IFNGR2: variants seen among roughly 807,000 people sequenced by gnomAD.
IFNGR2 encodes the protein interferon gamma receptor 2, also known as IFN-gamma receptor 2.
Under a neutral mutation model 41.1 loss-of-function variants are expected in IFNGR2, and 15 were observed. That is an observed-to-expected ratio of 0.37 (90% CI 0.24 to 0.56). IFNGR2 has a LOEUF of 0.56. Among genes scored for constraint, IFNGR2 ranks in the 20% least tolerant of loss-of-function variants. The probability of loss-of-function intolerance (pLI) is 0.81; values close to 1 mark genes in which losing one functional copy is unlikely to be tolerated. For missense variants in IFNGR2, 362 were observed against 415.7 expected, an observed-to-expected ratio of 0.87 and a Z score of 1.12; for synonymous variants, 161 against 171.6, an observed-to-expected ratio of 0.94 and a Z score of 0.48.
chr21:33,418,584 C>A lies in IFNGR2; in HGVS notation c.207-2896C>A, dbSNP rs1266080246. 2.6e-5 allele frequency among the ~76,000 whole-genome samples: 4 copies of A among 152,222 alleles called. No homozygotes were observed. The East Asian group carries it at 7.7e-4, about 29-fold the overall frequency. ...AGACTTAAATTTCCACCGTGTTTCT[C>A]TACAATAAAGCATTGCTATGATTAA... On this transcript the variant is annotated intron_variant, in intron 2 of 6. Transcript: ENST00000290219.
chr21:33,413,709 T>A (rs1034965303), intron 1 of IFNGR2, among the ~76,000 whole-genome samples: 1 of 151,970 alleles, frequency 6.6e-6, no homozygotes, highest in Non-Finnish European at 1.5e-5. Context: ...GTGAAGTACC[T>A]GCTTGGGGAA....
chr21:33,412,587 G>A (rs958537264), intron 1 of IFNGR2, among the ~76,000 whole-genome samples: 2 of 152,128 alleles, frequency 1.3e-5, no homozygotes, highest in Non-Finnish European at 2.9e-5. Context: ...ACGGAGTGCC[G>A]CTCTGTCGCC....
chr21:33,433,464 C>CCA (rs2083910462), intron 6 of IFNGR2, among the ~76,000 whole-genome samples: 1 of 152,198 alleles, frequency 6.6e-6, no homozygotes, highest in African/African-American at 2.4e-5. Context: ...ACACATCCTA[C>CCA]CACACACATG....
At position 33,432,111 on chromosome 21, in the gene IFNGR2, T is replaced by C. The variant is rs936250969; in HGVS notation, c.562-66T>C. ...TGTTCACAGTGAATTTGAGGAAACA[T>C]CAGAAAAGATGTAGGCAGCTTGGCC... is the stretch of plus-strand genomic sequence containing the variant. On this transcript the variant is annotated intron_variant, in intron 4 of 6. Coordinates refer to ENST00000290219, the MANE Select transcript of IFNGR2 (RefSeq NM_005534.4). 23 of 1,413,636 alleles carry C rather than the reference T, an allele frequency of 1.6e-5. No individual in the cohort carries two copies. In the Admixed American group the frequency reaches 3.9e-4, roughly 24 times the overall value. The allele number at this position is 1,413,636 out of a possible 1,614,324, so 87.6% of individuals were successfully genotyped here. A position where few individuals can be genotyped will look rare whatever the true frequency, so the allele number is the denominator to read the frequency against.
At chr21:33,407,595 AGTT>A (rs963086002) in intron 1 of IFNGR2, among the ~76,000 whole-genome samples, 8 of 152,100 alleles carry the variant, frequency 5.3e-5, no homozygotes, top group East Asian at 1.9e-4. Flanking sequence ...CTTGATGTCC[AGTT>A]GTTGTTGTTG....
intron 2 of IFNGR2, 138 bp downstream of exon 2, chr21:33,415,158 T>A: frequency 8.8e-7 from 1 of 1,136,668 alleles, no homozygotes; most frequent in Non-Finnish European, 1.3e-6. Context: ...TTGGAGCTTG[T>A]AAAATCTCTG....
In IFNGR2 at chr21:33,403,566, C is replaced by CGCTGCTGCT. The variant is rs753866192; in HGVS notation, c.30_38dup (p.Leu11_Leu13dup). ...GCCATGCGACCGACGCTGCTGTGGT[C>CGCTGCTGCT]GCTGCTGCTGCTGCTCGGAGTCTTC... On this transcript the variant is annotated inframe_insertion, in exon 1 of 7. Coordinates refer to ENST00000290219, the MANE Select transcript of IFNGR2 (RefSeq NM_005534.4). 7.3e-7 allele frequency: 1 copy of CGCTGCTGCT among 1,367,174 alleles called. No homozygotes were observed. The highest frequency in any genetic ancestry group is 2.7e-4 in the Middle Eastern group (1 of 3,676). The allele number at this position is 1,367,174 out of a possible 1,614,324, so 84.7% of individuals were successfully genotyped here.
Position 33,432,887 on chromosome 21 carries a change from TC to T in IFNGR2, c.879+17del. The T allele has an allele frequency of 7.2e-7, 1 of 1,396,960 alleles. No homozygotes were observed. The highest frequency in any genetic ancestry group is 1.2e-5 in the South Asian group (1 of 80,468). 86.5% of individuals were successfully genotyped at this position (1,396,960 alleles called of 1,614,324 possible). A position where few individuals can be genotyped will look rare whatever the true frequency, so the allele number is the denominator to read the frequency against. The stretch of plus-strand genomic sequence containing the variant: ...GATAGAAGAGGTACGTGTGCACACA[TC>T]TCTTTTTTTTTTTTTGAGACAGGGT... On this transcript the variant is annotated intron_variant, in intron 6 of 6. Transcript: ENST00000290219.
chr21:33,415,616 A>T (rs958007067), intron 2 of IFNGR2, among the ~76,000 whole-genome samples: 1 of 152,266 alleles, frequency 6.6e-6, no homozygotes, highest in African/African-American at 2.4e-5. Flanking sequence ...AAGTAGGTTA[A>T]TTGAAGAGTA....
At chr21:33,410,949 C>G (rs2083711192) in intron 1 of IFNGR2, 1 of 1,147,170 alleles carries the variant, frequency 8.7e-7, no homozygotes, top group African/African-American at 1.5e-5. Context: ...ACAACCACTG[C>G]TCCTTCTCCC....
intron 3 of IFNGR2, among the ~76,000 whole-genome samples, chr21:33,426,483 C>T (rs1051650574): frequency 6.6e-6 from 1 of 151,686 alleles, no homozygotes; most frequent in East Asian, 1.9e-4. Flanking sequence ...CTTTGGGAGG[C>T]TGAGGTGGGC....
At chr21:33,405,415 C>G (rs1372951917) in intron 1 of IFNGR2, among the ~76,000 whole-genome samples, 1 of 152,122 alleles carries the variant, frequency 6.6e-6, no homozygotes. Flanking sequence ...GGGTTCAAAT[C>G]CTGACTCTGC....
At chr21:33,434,259 C>A (rs753294501) in intron 6 of IFNGR2, among the ~76,000 whole-genome samples, 1 of 152,202 alleles carries the variant, frequency 6.6e-6, no homozygotes, top group Admixed American at 6.5e-5. Context: ...CAGTGACCCA[C>A]ACCTGTAATC....
chr21:33,421,478 A>G lies in IFNGR2; in HGVS notation c.207-2A>G. 1 of 1,612,532 alleles carries G rather than the reference A, an allele frequency of 6.2e-7. No homozygotes were observed. Among genetic ancestry groups the G allele is most frequent in the Non-Finnish European group, 8.5e-7 (1 of 1,178,652 alleles). On this transcript the variant is annotated splice_acceptor_variant, in intron 2 of 6. Coordinates refer to ENST00000290219, the MANE Select transcript of IFNGR2 (RefSeq NM_005534.4). LOFTEE classifies it high-confidence loss of function. ...GAATTGAAATCCTTTTTTCCTTCCCAGCACCGACAGTAAATGGTTCACGGC... is the reference window on the plus strand; with the variant it reads ...GAATTGAAATCCTTTTTTCCTTCCCGGCACCGACAGTAAATGGTTCACGGC...
At chr21:33,403,703 G>A in intron 1 of IFNGR2, 87 bp downstream of exon 1, 1 of 909,848 alleles carries the variant, frequency 1.1e-6, no homozygotes, top group South Asian at 3.3e-5. Context: ...TGGGGTGGGG[G>A]GAATCTGCCG....
intron 4 of IFNGR2, among the ~76,000 whole-genome samples, chr21:33,427,693 G>A (rs992517131): frequency 2.8e-4 from 42 of 152,200 alleles, no homozygotes; most frequent in African/African-American, 1.0e-3. Flanking sequence ...TATCCTAGCT[G>A]CATTTAAGGA....
intron 6 of IFNGR2, 85 bp downstream of exon 6, chr21:33,432,956 G>T: frequency 9.0e-7 from 1 of 1,110,634 alleles, no homozygotes; most frequent in Non-Finnish European, 1.3e-6. Flanking sequence ...TACAATCTCT[G>T]CTCACTGCAG....
At chr21:33,425,107 A>T in intron 3 of IFNGR2, among the ~76,000 whole-genome samples, 1 of 152,048 alleles carries the variant, frequency 6.6e-6, no homozygotes, top group Non-Finnish European at 1.5e-5. Flanking sequence ...TTTAGTAGAA[A>T]CGGCATTTCT....
At chr21:33,425,191 A>G (rs886686457) in intron 3 of IFNGR2, among the ~76,000 whole-genome samples, 5 of 152,152 alleles carry the variant, frequency 3.3e-5, no homozygotes, top group African/African-American at 1.2e-4. Context: ...AAGTGCTGGG[A>G]TTACAGGTAT....
Sources: allele counts gnomAD v4.1 joint callset (sites outside exome capture counted in the v4.1 genomes callset), GRCh38; gene constraint gnomAD v4.1.1; transcripts MANE v1.5; gene names NCBI Gene and HGNC (gene_info 2026-07-23, HGNC 2026-07-21).